Variants in SLC39A11 observed in about 807,000 individuals in gnomAD.
SLC39A11 encodes zinc transporter ZIP11.
SLC39A11 carries 33 observed loss-of-function variants against 36.1 expected under a neutral mutation model. That is an observed-to-expected ratio of 0.91 (90% CI 0.69 to 1.22). SLC39A11 has a LOEUF of 1.22. SLC39A11 is among the 50% of genes most tolerant of loss of function. SLC39A11 has a pLI of 0.00. For synonymous variants in SLC39A11, 166 were observed against 170.3 expected, an observed-to-expected ratio of 0.97 and a Z score of 0.20; for missense variants, 432 against 430.3, an observed-to-expected ratio of 1.00 and a Z score of -0.03.
intron 4 of SLC39A11, among the ~76,000 whole-genome samples, chr17:73,030,664 G>A (rs916493148): frequency 3.3e-5 from 5 of 152,136 alleles, no homozygotes; most frequent in African/African-American, 1.2e-4. Flanking sequence ...ACCAGTTCAG[G>A]GGTGCTTCTG....
intron 6 of SLC39A11, among the ~76,000 whole-genome samples, chr17:72,843,881 C>T (rs1016764220): frequency 1.3e-5 from 2 of 152,110 alleles, no homozygotes; most frequent in African/African-American, 4.8e-5. Context: ...CATATGCCTT[C>T]GGGTGTGGCC....
At chr17:72,986,251 G>T (rs538709815) in intron 4 of SLC39A11, among the ~76,000 whole-genome samples, 3 of 152,320 alleles carry the variant, frequency 2.0e-5, no homozygotes, top group African/African-American at 7.2e-5. Context: ...CGGCTGTGGA[G>T]CTAGCTTTGA....
chr17:73,001,050 C>G (rs535949339), intron 4 of SLC39A11, among the ~76,000 whole-genome samples: 1 of 152,200 alleles, frequency 6.6e-6, no homozygotes, highest in Non-Finnish European at 1.5e-5. Flanking sequence ...TGTGCCCTAG[C>G]CTAAGACACC....
intron 4 of SLC39A11, among the ~76,000 whole-genome samples, chr17:73,001,131 T>C (rs973792124): frequency 1.3e-5 from 2 of 152,158 alleles, no homozygotes; most frequent in African/African-American, 4.8e-5. Context: ...TCTAAGTTTC[T>C]AAGTTTTAAT....
intron 7 of SLC39A11, among the ~76,000 whole-genome samples, chr17:72,729,439 ATATATATATATATATAT>A (rs1567994986): frequency 0.014 from 30 of 2,174 alleles, 3 homozygotes; most frequent in Non-Finnish European, 0.032. Flanking sequence ...ATATATATAT[ATATATATATATATATAT>A]ATTTTTTTTT....
In SLC39A11 at chr17:72,863,745, C is replaced by T. The variant is rs369567830; in HGVS notation, c.431-13941G>A. Among the ~76,000 whole-genome samples the T allele has an allele frequency of 1.9e-3, 283 of 152,330 alleles. 2 individuals are homozygous for T. Among genetic ancestry groups the T allele is most frequent in the African/African-American group, 6.3e-3 (263 of 41,580 alleles). On this transcript the variant is annotated intron_variant, in intron 5 of 9. Transcript: ENST00000255559. ...GGTAGGGGTGGGCTACAGATTGCAG[C>T]GTGCCTGCTGCCATGGCAACGCACG...
At chr17:72,884,731 G>A (rs886160491) in intron 5 of SLC39A11, among the ~76,000 whole-genome samples, 1 of 152,290 alleles carries the variant, frequency 6.6e-6, no homozygotes, top group Non-Finnish European at 1.5e-5. Flanking sequence ...ATAGGAAATC[G>A]CTGCAGCAGC....
chr17:72,862,731 G>A (rs533843880), intron 5 of SLC39A11, among the ~76,000 whole-genome samples: 2 of 151,286 alleles, frequency 1.3e-5, no homozygotes, highest in South Asian at 2.1e-4. Flanking sequence ...TGCCCACTAA[G>A]GTTAAAAAAA....
intron 5 of SLC39A11, among the ~76,000 whole-genome samples, chr17:72,868,724 G>C (rs914725796): frequency 6.7e-6 from 1 of 150,004 alleles, no homozygotes; most frequent in African/African-American, 2.4e-5. Context: ...TGGGAGGATA[G>C]TTTGAGCCCA....
At position 72,698,566 on chromosome 17, in the gene SLC39A11, T is replaced by C. The variant is rs192916767; in HGVS notation, c.671+38084A>G. ...AGTATTCTCCTTTTTGGGTGTTTGC[T>C]TAAAATGTTACATGGTTTAAAAAAG... On this transcript the variant is annotated intron_variant, in intron 7 of 9. Coordinates refer to ENST00000255559, the MANE Select transcript of SLC39A11 (RefSeq NM_139177.4). 2.0e-3 allele frequency among the ~76,000 whole-genome samples: 297 copies of C among 151,968 alleles called. 1 individual carries two copies. Among genetic ancestry groups the C allele is most frequent in the Admixed American group, 4.2e-3 (64 of 15,290 alleles).
intron 4 of SLC39A11, among the ~76,000 whole-genome samples, chr17:73,016,678 AC>A (rs1008556354): frequency 5.3e-5 from 8 of 152,206 alleles, no homozygotes; most frequent in African/African-American, 1.9e-4. Context: ...TTGCATTGTT[AC>A]AAAGAAGTGA....
At chr17:72,729,173 T>C (rs533695916) in intron 7 of SLC39A11, among the ~76,000 whole-genome samples, 4 of 151,844 alleles carry the variant, frequency 2.6e-5, no homozygotes, top group Admixed American at 1.3e-4. Context: ...GAACCCACCA[T>C]AGTTGCCAAC....
intron 4 of SLC39A11, among the ~76,000 whole-genome samples, chr17:72,963,693 G>C (rs1452511766): frequency 1.3e-5 from 2 of 152,144 alleles, no homozygotes; most frequent in Non-Finnish European, 2.9e-5. Flanking sequence ...ACTCATAGGA[G>C]GAATCCCATT....
At chr17:72,907,383 G>A (rs143731556) in intron 5 of SLC39A11, among the ~76,000 whole-genome samples, 18,927 of 152,104 alleles carry the variant, frequency 0.12, 1,541 homozygotes, top group South Asian at 0.28. Flanking sequence ...CCAGCTACTC[G>A]GGAGGCTGAG....
intron 6 of SLC39A11, among the ~76,000 whole-genome samples, chr17:72,737,945 T>C (rs2074503657): frequency 6.6e-6 from 1 of 152,116 alleles, no homozygotes; most frequent in African/African-American, 2.4e-5. Flanking sequence ...TGGGGTCTTG[T>C]CAGTAGCAAA....
intron 9 of SLC39A11, among the ~76,000 whole-genome samples, chr17:72,648,445 G>A (rs2069679137): frequency 6.6e-6 from 1 of 151,868 alleles, no homozygotes; most frequent in South Asian, 2.1e-4. Flanking sequence ...GTGAAGACAT[G>A]CATGTATCAC....
chr17:73,049,412 G>A (rs1350004296), intron 3 of SLC39A11, among the ~76,000 whole-genome samples: 1 of 152,170 alleles, frequency 6.6e-6, no homozygotes, highest in East Asian at 1.9e-4. Flanking sequence ...GCGCCTTCCA[G>A]GAGCAGCAGG....
At chr17:72,677,113 C>T (rs2071298590) in intron 7 of SLC39A11, among the ~76,000 whole-genome samples, 2 of 152,198 alleles carry the variant, frequency 1.3e-5, no homozygotes, top group Non-Finnish European at 2.9e-5. Flanking sequence ...CAAGCAGCAG[C>T]CGCAGTGGCT....
At chr17:72,875,849 G>A (rs1247332773) in intron 5 of SLC39A11, among the ~76,000 whole-genome samples, 2 of 152,082 alleles carry the variant, frequency 1.3e-5, no homozygotes, top group Non-Finnish European at 2.9e-5. Context: ...ACAGGGGCAG[G>A]GTGGAAGCAG....
Sources: allele counts gnomAD v4.1 joint callset (sites outside exome capture counted in the v4.1 genomes callset), GRCh38; gene constraint gnomAD v4.1.1; transcripts MANE v1.5; gene names NCBI Gene and HGNC (gene_info 2026-07-23, HGNC 2026-07-21).